Variants in WWOX observed in about 807,000 individuals in gnomAD.
The protein encoded by WWOX is WW domain-containing oxidoreductase.
In WWOX, 69 loss-of-function variants were observed where a neutral mutation model predicts 46.2. The ratio of observed to expected loss-of-function variants is 1.49; its 90% CI spans 1.23 to 1.82. WWOX has a LOEUF of 1.82. Ranked by LOEUF, WWOX falls within the 40% of genes most tolerant of loss-of-function variation. WWOX has a pLI of 0.00. For synonymous variants in WWOX, 359 were observed against 202.6 expected, an observed-to-expected ratio of 1.77 and a Z score of -6.56; for missense variants, 919 against 542.6, an observed-to-expected ratio of 1.69 and a Z score of -6.89.
chr16:78,655,818 T>C (rs1201126046), intron 8 of WWOX, among the ~76,000 whole-genome samples: 3 of 152,188 alleles, frequency 2.0e-5, no homozygotes, highest in Non-Finnish European at 4.4e-5. Context: ...ATTTAGAAGT[T>C]AGTCTATATT....
chr16:78,331,549 T>G (rs1416804819), intron 5 of WWOX, among the ~76,000 whole-genome samples: 1 of 152,218 alleles, frequency 6.6e-6, no homozygotes, highest in Non-Finnish European at 1.5e-5. Context: ...TACAAAGGTG[T>G]AAGTAGGAGA....
intron 8 of WWOX, among the ~76,000 whole-genome samples, chr16:78,817,613 C>G (rs764422090): frequency 6.6e-6 from 1 of 152,160 alleles, no homozygotes; most frequent in Non-Finnish European, 1.5e-5. Context: ...ATTATGTCAA[C>G]AAGTAGTTCA....
At position 78,374,359 on chromosome 16, in the gene WWOX, C is replaced by G. The variant is rs1281852709; in HGVS notation, c.517-12501C>G. Among the ~76,000 whole-genome samples the G allele has an allele frequency of 4.6e-5, 7 of 152,134 alleles. No individual in the cohort carries two copies. The East Asian group carries it at 1.4e-3, about 30-fold the overall frequency. On this transcript the variant is annotated intron_variant, in intron 5 of 8. Coordinates refer to ENST00000566780, the MANE Select transcript of WWOX (RefSeq NM_016373.4). ...AATGGATCAGTGAAATCCTTCCCCC[C>G]ATAAAACAAACTTCACTTGTTAGTG... is the stretch of plus-strand genomic sequence containing the variant.
At chr16:78,926,910 C>T (rs1451855793) in intron 8 of WWOX, among the ~76,000 whole-genome samples, 1 of 152,154 alleles carries the variant, frequency 6.6e-6, no homozygotes, top group Non-Finnish European at 1.5e-5. Flanking sequence ...GATCCTCCCA[C>T]CTCAGCTTCC....
At chr16:78,706,636 T>A (rs1427498243) in intron 8 of WWOX, among the ~76,000 whole-genome samples, 1 of 152,212 alleles carries the variant, frequency 6.6e-6, no homozygotes, top group Admixed American at 6.5e-5. Context: ...TTTCCAATTA[T>A]GGCAACATTG....
At chr16:79,027,736 T>C (rs981313919) in intron 8 of WWOX, among the ~76,000 whole-genome samples, 1 of 150,572 alleles carries the variant, frequency 6.6e-6, no homozygotes, top group Non-Finnish European at 1.5e-5. Context: ...TTATACAGAA[T>C]GTCTCTTTTT....
chr16:78,401,144 A>C lies in WWOX; in HGVS notation c.605+14196A>C, dbSNP rs540866450. Reference sequence around the variant, plus strand: ...CTTGTTTTTTTCTTTGAAGAGAATGATAGACCTTCCATAGGAAAAATGTTA... The same window carrying C: ...CTTGTTTTTTTCTTTGAAGAGAATGCTAGACCTTCCATAGGAAAAATGTTA... On this transcript the variant is annotated intron_variant, in intron 6 of 8. Transcript: ENST00000566780. Among the ~76,000 whole-genome samples, 27 of 152,352 alleles carry C rather than the reference A, an allele frequency of 1.8e-4. No individual in the cohort carries two copies. In the South Asian group the frequency reaches 4.6e-3, roughly 26 times the overall value.
At chr16:78,449,361 G>C (rs539080451) in intron 8 of WWOX, among the ~76,000 whole-genome samples, 2 of 152,308 alleles carry the variant, frequency 1.3e-5, no homozygotes, top group South Asian at 2.1e-4. Flanking sequence ...CACTGAGTCT[G>C]ATCGTTGTTA....
At chr16:78,433,023 T>A (rs2083260945) in intron 8 of WWOX, among the ~76,000 whole-genome samples, 1 of 151,732 alleles carries the variant, frequency 6.6e-6, no homozygotes, top group African/African-American at 2.4e-5. Context: ...GATTTTTTTG[T>A]TTGTTTGGTT....
intron 8 of WWOX, among the ~76,000 whole-genome samples, chr16:79,097,522 T>A (rs74519365): frequency 0.017 from 2,576 of 152,288 alleles, 75 homozygotes; most frequent in African/African-American, 0.057. Flanking sequence ...TATCATATGC[T>A]CCACATGCTT....
intron 8 of WWOX, among the ~76,000 whole-genome samples, chr16:78,553,686 A>G (rs1266200173): frequency 6.6e-6 from 1 of 152,114 alleles, no homozygotes; most frequent in Non-Finnish European, 1.5e-5. Context: ...GTTGACCATG[A>G]TAGAGAACCT....
chr16:78,474,413 G>C (rs1035235705), intron 8 of WWOX, among the ~76,000 whole-genome samples: 2 of 152,228 alleles, frequency 1.3e-5, no homozygotes, highest in African/African-American at 4.8e-5. Flanking sequence ...ATTTTGTAGT[G>C]ATGAAGAAAG....
chr16:78,841,158 A>C (rs62036205), intron 8 of WWOX, among the ~76,000 whole-genome samples: 10,627 of 152,248 alleles, frequency 0.07, 478 homozygotes, highest in Non-Finnish European at 0.099. Flanking sequence ...ACAGATACAC[A>C]ACGTGCACTG....
At chr16:79,086,331 T>A (rs563077461) in intron 8 of WWOX, among the ~76,000 whole-genome samples, 2 of 152,224 alleles carry the variant, frequency 1.3e-5, no homozygotes, top group Non-Finnish European at 2.9e-5. Flanking sequence ...TTAATTTGAT[T>A]GATATGCAAA....
At chr16:78,282,176 G>T (rs1231615590) in intron 5 of WWOX, among the ~76,000 whole-genome samples, 2 of 152,172 alleles carry the variant, frequency 1.3e-5, no homozygotes, top group East Asian at 3.9e-4. Context: ...CGGAGTCTGA[G>T]AGGCCCCGTT....
chr16:78,493,775 C>A (rs62036393), intron 8 of WWOX, among the ~76,000 whole-genome samples: 11,603 of 152,174 alleles, frequency 0.076, 461 homozygotes, highest in African/African-American at 0.087. Flanking sequence ...AGAGATGGAA[C>A]TAGGCCAAGA....
intron 8 of WWOX, among the ~76,000 whole-genome samples, chr16:78,743,755 C>T (rs1290764508): frequency 6.6e-6 from 1 of 152,122 alleles, no homozygotes; most frequent in African/African-American, 2.4e-5. Context: ...CTTTTCACAA[C>T]CTATCAGACA....
chr16:78,749,561 G>C (rs1432670472), intron 8 of WWOX, among the ~76,000 whole-genome samples: 1 of 152,080 alleles, frequency 6.6e-6, no homozygotes, highest in African/African-American at 2.4e-5. Context: ...AGTAGTTTAA[G>C]GATGTATTTA....
chr16:78,322,144 G>A (rs1484963104), intron 5 of WWOX, among the ~76,000 whole-genome samples: 1 of 152,102 alleles, frequency 6.6e-6, no homozygotes, highest in Non-Finnish European at 1.5e-5. Flanking sequence ...CACTTGCCCT[G>A]CCAGGGGGAT....
Sources: allele counts gnomAD v4.1 joint callset (sites outside exome capture counted in the v4.1 genomes callset), GRCh38; gene constraint gnomAD v4.1.1; transcripts MANE v1.5; gene names NCBI Gene and HGNC (gene_info 2026-07-23, HGNC 2026-07-21).